Variants in PPP2R2D observed in about 807,000 individuals in gnomAD.
The protein encoded by PPP2R2D is protein phosphatase 2 regulatory subunit Bdelta, also known as serine/threonine-protein phosphatase 2A 55 kDa regulatory subunit B delta isoform.
Under a neutral mutation model 31.1 loss-of-function variants are expected in PPP2R2D, and 9 were observed. The observed-to-expected ratio is 0.29, with a 90% CI of 0.17 to 0.51. The LOEUF (loss-of-function observed/expected upper bound fraction) is 0.51, where lower values mean the gene tolerates loss of function less well. Ranked by LOEUF, PPP2R2D falls within the 20% of genes least tolerant of loss-of-function variation. The probability of loss-of-function intolerance (pLI) is 0.98; values close to 1 mark genes in which losing one functional copy is unlikely to be tolerated. For missense variants in PPP2R2D, 391 were observed against 465.6 expected, an observed-to-expected ratio of 0.84 and a Z score of 1.48; for synonymous variants, 179 against 172.6, an observed-to-expected ratio of 1.04 and a Z score of -0.29.
chr10:131,937,864 G>C (rs1039025399), intron 3 of PPP2R2D, among the ~76,000 whole-genome samples: 1 of 152,166 alleles, frequency 6.6e-6, no homozygotes, highest in Admixed American at 6.5e-5. Flanking sequence ...TGGTAGGAGA[G>C]GGTCAAAGGA....
intron 2 of PPP2R2D, among the ~76,000 whole-genome samples, chr10:131,915,927 GTT>G (rs2035770687): frequency 1.3e-5 from 2 of 152,142 alleles, no homozygotes; most frequent in Non-Finnish European, 2.9e-5. Flanking sequence ...GAATGAGAAA[GTT>G]TTTACTTTAA....
chr10:131,970,898 C>A, the PPP2R2D span: 1 of 1,614,256 alleles, frequency 6.2e-7, no homozygotes, highest in East Asian at 2.2e-5. This position sits in a 1 kb window ranked among gnomAD's most constrained non-coding sequence, Gnocchi z 4.1. Context: ...CTTGACCAAT[C>A]CCATATCCAA....
At chr10:131,906,582 T>C (rs1009739670) in intron 2 of PPP2R2D, among the ~76,000 whole-genome samples, 5 of 151,986 alleles carry the variant, frequency 3.3e-5, no homozygotes, top group African/African-American at 1.2e-4. Context: ...GTAACAAAAA[T>C]TAAGTTAACT....
chr10:131,948,467 T>G (rs72861371), intron 8 of PPP2R2D, among the ~76,000 whole-genome samples: 13,859 of 152,282 alleles, frequency 0.091, 803 homozygotes, highest in Non-Finnish European at 0.13. Context: ...AGTGATTGAC[T>G]GGATATTCTG....
downstream of PPP2R2D, among the ~76,000 whole-genome samples, chr10:131,964,560 G>A (rs2036956284): frequency 6.6e-6 from 1 of 152,034 alleles, no homozygotes; most frequent in Admixed American, 6.6e-5. Context: ...GTCCAGCAGT[G>A]GGAAATCAGG....
At chr10:131,955,642 C>T (rs1554899765) in intron 8 of PPP2R2D, 42 bp from the exon 9 acceptor site, 3 of 1,357,948 alleles carry the variant, frequency 2.2e-6, no homozygotes, top group Non-Finnish European at 2.9e-6. Context: ...GCTGCCGCTC[C>T]CCCCACTGAG....
the PPP2R2D span, chr10:131,970,291 GTGCATTC>G: frequency 3.2e-5 from 9 of 277,746 alleles, no homozygotes; most frequent in Non-Finnish European, 4.7e-5. This position sits in a 1 kb window ranked among gnomAD's most constrained non-coding sequence, Gnocchi z 4.1. Flanking sequence ...GCAGAGCTGG[GTGCATTC>G]CCGCCACAGT....
At position 131,947,176 on chromosome 10, in the gene PPP2R2D, G is replaced by A. The variant is rs995702793; in HGVS notation, c.821-354G>A. 1.4e-4 allele frequency among the ~76,000 whole-genome samples: 22 copies of A among 152,214 alleles called. No individual in the cohort carries two copies. The highest frequency in any genetic ancestry group is 4.6e-4 in the African/African-American group (19 of 41,466). ...CGCGGAGACACTCCTACAGGAATGC[G>A]GTGGTGCTGAACCTGGGCACACATC... is the stretch of plus-strand genomic sequence containing the variant. On this transcript the variant is annotated intron_variant, in intron 7 of 8. Transcript: ENST00000455566. The surrounding 1 kb of genome is among the most constrained non-coding windows in gnomAD (Gnocchi z 4.3).
At chr10:131,917,624 G>GTT (rs2035840948) in intron 2 of PPP2R2D, among the ~76,000 whole-genome samples, 1 of 132,852 alleles carries the variant, frequency 7.5e-6, no homozygotes, top group African/African-American at 2.9e-5. Context: ...ATGACACAGT[G>GTT]TAGGGACCTC....
At position 131,932,771 on chromosome 10, in the gene PPP2R2D, TA is replaced by T. The variant is rs538688131; in HGVS notation, c.101-1685del. 1.3e-3 allele frequency among the ~76,000 whole-genome samples: 196 copies of T among 152,246 alleles called. 1 individual carries two copies. Among genetic ancestry groups the T allele is most frequent in the Middle Eastern group, 6.8e-3 (2 of 294 alleles). Reference sequence around the variant, plus strand: ...CTCCATCAGATTAATTTGATGTTGATAATTTAAACGTTGTTGGTTTTGTAAT... The same window carrying T: ...CTCCATCAGATTAATTTGATGTTGATATTTAAACGTTGTTGGTTTTGTAAT... On this transcript the variant is annotated intron_variant, in intron 2 of 8. Coordinates refer to ENST00000455566, the MANE Select transcript of PPP2R2D (RefSeq NM_018461.5).
chr10:131,970,007 CG>C, the PPP2R2D span: 2 of 152,446 alleles, frequency 1.3e-5, no homozygotes, highest in Admixed American at 1.3e-4. The surrounding 1 kb of genome is among the most constrained non-coding windows in gnomAD (Gnocchi z 4.1). Flanking sequence ...GGCGAAGCCC[CG>C]TCTCTATTAA....
At chr10:131,910,529 C>T (rs1564809039) in intron 2 of PPP2R2D, among the ~76,000 whole-genome samples, 1 of 152,154 alleles carries the variant, frequency 6.6e-6, no homozygotes, top group Non-Finnish European at 1.5e-5. Flanking sequence ...ATTTTCAAGT[C>T]AATTTCTGCC....
chr10:131,942,109 C>T (rs1225343927), intron 5 of PPP2R2D, among the ~76,000 whole-genome samples: 1 of 152,070 alleles, frequency 6.6e-6, no homozygotes, highest in Non-Finnish European at 1.5e-5. Flanking sequence ...GGCACTTGAC[C>T]CCCTCCAGCC....
At chr10:131,953,693 G>C (rs2036736173) in intron 8 of PPP2R2D, among the ~76,000 whole-genome samples, 1 of 102,350 alleles carries the variant, frequency 9.8e-6, no homozygotes, top group Non-Finnish European at 1.8e-5. Flanking sequence ...TCTTAGCAGT[G>C]ACTTGCGGGT....
intron 2 of PPP2R2D, among the ~76,000 whole-genome samples, chr10:131,908,453 A>C (rs2035632308): frequency 6.6e-6 from 1 of 152,162 alleles, no homozygotes; most frequent in African/African-American, 2.4e-5. Flanking sequence ...GTTGTTTAGC[A>C]ATTGGCTGTG....
chr10:131,954,618 C>A (rs2036758697), intron 8 of PPP2R2D, among the ~76,000 whole-genome samples: 1 of 150,560 alleles, frequency 6.6e-6, no homozygotes, highest in Non-Finnish European at 1.5e-5. Context: ...AGTTTCTCTT[C>A]TCTGAGTTCG....
At chr10:131,939,765 T>G in intron 3 of PPP2R2D, 1 of 246,628 alleles carries the variant, frequency 4.1e-6, no homozygotes, top group Non-Finnish European at 7.6e-6. Flanking sequence ...GCAGGCTGCA[T>G]TTGACAGACC....
At chr10:131,924,304 A>G (rs547275478) in intron 2 of PPP2R2D, among the ~76,000 whole-genome samples, 3 of 152,106 alleles carry the variant, frequency 2.0e-5, no homozygotes, top group Admixed American at 6.5e-5. Flanking sequence ...ATGTTTATAT[A>G]TAATTATATA....
At position 131,947,819 on chromosome 10, in the gene PPP2R2D, G is replaced by A. The variant is rs183379034; in HGVS notation, c.1082+28G>A. 5.7e-5 allele frequency: 91 copies of A among 1,602,000 alleles called. 1 individual carries two copies. The highest frequency in any genetic ancestry group is 4.4e-4 in the South Asian group (40 of 90,444). ...AAGGCCTGCGTGGAGATGAGCTGTC[G>A]CCCCAAGCTTGCTGGTTTCCGAGAG... On this transcript the variant is annotated intron_variant, in intron 8 of 8. Transcript: ENST00000455566. This position sits in a 1 kb window ranked among gnomAD's most constrained non-coding sequence, Gnocchi z 4.3.
Sources: allele counts gnomAD v4.1 joint callset (sites outside exome capture counted in the v4.1 genomes callset), GRCh38; gene constraint gnomAD v4.1.1; non-coding constraint Gnocchi (gnomAD v3.1); transcripts MANE v1.5; gene names NCBI Gene and HGNC (gene_info 2026-07-23, HGNC 2026-07-21).